TSPAN14: variants seen among roughly 807,000 people sequenced by gnomAD.
TSPAN14 encodes tetraspanin 14.
A neutral mutation model predicts 36.6 loss-of-function variants in TSPAN14; 16 were observed. The ratio of observed to expected loss-of-function variants is 0.44; its 90% CI spans 0.30 to 0.66. TSPAN14 has a LOEUF of 0.66. TSPAN14 is among the 30% of genes least tolerant of loss of function. The pLI is 0.12. For synonymous variants in TSPAN14, 139 were observed against 143.8 expected (o/e 0.97, Z 0.24); for missense variants, 231 against 355.1 (o/e 0.65, Z 2.81).
chr10:80,460,300 C>T lies in TSPAN14; in HGVS notation c.-18+5929C>T, dbSNP rs142032764. Among the ~76,000 whole-genome samples the T allele has an allele frequency of 6.2e-3, 948 of 152,244 alleles. 3 individuals carry two copies. Among genetic ancestry groups the T allele is most frequent in the Non-Finnish European group, 9.5e-3 (649 of 68,010 alleles). On this transcript the variant is annotated intron_variant, in intron 1 of 8. Transcript: ENST00000429989. ...GGCAGGCCAGGGTGATCAGGTTTTA[C>T]CTGGGAGATAGTACAGGATGAGAAA... is the stretch of plus-strand genomic sequence containing the variant.
exon 9 of TSPAN14, chr10:80,520,598 C>G (rs1384339546): frequency 1.9e-6 from 1 of 533,044 alleles, no homozygotes; most frequent in African/African-American, 1.9e-5. Context: ...CTGGTCCACC[C>G]CCTCTCAGGA....
At chr10:80,506,266 C>CGTGAG (rs1840295288) in intron 3 of TSPAN14, among the ~76,000 whole-genome samples, 15 of 152,200 alleles carry the variant, frequency 9.9e-5, no homozygotes, top group Admixed American at 6.5e-5. Context: ...AGCCGCCATG[C>CGTGAG]CCAGACACCT....
At chr10:80,520,106 G>T (rs578095362) in exon 9 of TSPAN14, 100 of 161,254 alleles carry the variant, frequency 6.2e-4, no homozygotes, top group African/African-American at 2.3e-3. Context: ...TCTGTGAAGG[G>T]GGTTGGTGGC....
rs530464451 is a variant in TSPAN14 at position 80,454,693 on chromosome 10, G to C, written c.-18+322G>C. On this transcript the variant is annotated intron_variant, in intron 1 of 8. Transcript: ENST00000429989. ...TCGCCCCATCAGCGCGCCCCGGCGA[G>C]TGCGCGCCCGTGCCGGGCGGGGTGA... Among the ~76,000 whole-genome samples, 326 of 152,260 alleles carry C rather than the reference G, an allele frequency of 2.1e-3. 2 individuals are homozygous for C. The highest frequency in any genetic ancestry group is 4.8e-3 in the Admixed American group (73 of 15,300).
rs561623385 is a variant in TSPAN14, at chr10:80,502,805, A to G, written c.82-1923A>G. ...GGACATCTGAGTGTGTCACTCAGCA[A>G]TGTTTAGATGGTATTTAAGCCTTGT... On this transcript the variant is annotated intron_variant, in intron 2 of 8. Transcript: ENST00000429989. Among the ~76,000 whole-genome samples, 8 of 152,194 alleles carry G rather than the reference A, an allele frequency of 5.3e-5. No individual in the cohort carries two copies. The South Asian group carries it at 1.5e-3, about 28-fold the overall frequency.
exon 9 of TSPAN14, chr10:80,518,183 C>T: frequency 1.7e-6 from 1 of 602,528 alleles, no homozygotes; most frequent in Non-Finnish European, 3.0e-6. Context: ...CTTGTGACTG[C>T]ATCCCTCTGG....
intron 2 of TSPAN14, among the ~76,000 whole-genome samples, chr10:80,500,192 C>T (rs1196788175): frequency 3.0e-4 from 45 of 152,142 alleles, no homozygotes; most frequent in Admixed American, 2.9e-3. Flanking sequence ...AGAGTTCCTG[C>T]CCTGGGCCAC....
intron 1 of TSPAN14, among the ~76,000 whole-genome samples, chr10:80,460,832 A>T (rs1467655220): frequency 6.6e-6 from 1 of 152,002 alleles, no homozygotes; most frequent in African/African-American, 2.4e-5. Flanking sequence ...TCCTGCTGCA[A>T]TTTGTGTTCC....
At chr10:80,496,267 A>AT (rs1848191223) in intron 2 of TSPAN14, among the ~76,000 whole-genome samples, 1 of 152,098 alleles carries the variant, frequency 6.6e-6, no homozygotes, top group South Asian at 2.1e-4. Context: ...TAGATCACTG[A>AT]TTTTTAGATT....
chr10:80,473,180 A>T (rs1253005089), intron 1 of TSPAN14, among the ~76,000 whole-genome samples: 2 of 152,286 alleles, frequency 1.3e-5, no homozygotes, highest in South Asian at 4.2e-4. Flanking sequence ...CCTCCATTCC[A>T]GGCCCAGTGC....
chr10:80,492,331 A>G (rs2132018727), intron 2 of TSPAN14, among the ~76,000 whole-genome samples: 1 of 152,210 alleles, frequency 6.6e-6, no homozygotes. Context: ...ATGATTTTGC[A>G]GTGTTTTTAT....
chr10:80,493,132 G>T (rs1407187899), intron 2 of TSPAN14, among the ~76,000 whole-genome samples: 1 of 152,130 alleles, frequency 6.6e-6, no homozygotes, highest in African/African-American at 2.4e-5. Context: ...TCATTCTTTG[G>T]TTGTGCTAGA....
In TSPAN14 at chr10:80,511,754, CT is replaced by C. The variant is rs1564745221; in HGVS notation, c.451-389del. Among the ~76,000 whole-genome samples, 385 of 142,428 alleles carry C rather than the reference CT, an allele frequency of 2.7e-3. 9 individuals carry two copies. The highest frequency in any genetic ancestry group is 9.3e-3 in the African/African-American group (345 of 37,128). The allele number at this position is 142,428 out of a possible 152,430, so 93.4% of individuals were successfully genotyped here. A position where few individuals can be genotyped will look rare whatever the true frequency, so the allele number is the denominator to read the frequency against. ...TCTCTCTCTCTCTCTCTCTCTCTCT[CT>C]CTCTCTCTCTCTCTCTCCCCTTTTT... is the stretch of plus-strand genomic sequence containing the variant. On this transcript the variant is annotated intron_variant, in intron 5 of 8. Transcript: ENST00000429989.
intron 4 of TSPAN14, among the ~76,000 whole-genome samples, chr10:80,508,968 G>C (rs1024152223): frequency 1.3e-5 from 2 of 152,186 alleles, no homozygotes; most frequent in Non-Finnish European, 2.9e-5. Context: ...CCTGTGATAG[G>C]GGTCTCCTCC....
At chr10:80,484,557 T>C (rs1847488558) in intron 1 of TSPAN14, among the ~76,000 whole-genome samples, 1 of 152,232 alleles carries the variant, frequency 6.6e-6, no homozygotes, top group African/African-American at 2.4e-5. Flanking sequence ...TACGTTATTC[T>C]TCCCTTTGTT....
At chr10:80,511,711 CCTCTCTCTCTCTCTCTCTCTCTCTCT>C (rs56307745) in intron 5 of TSPAN14, among the ~76,000 whole-genome samples, 281 of 25,812 alleles carry the variant, frequency 0.011, 4 homozygotes, top group East Asian at 0.034. Context: ...AAGGGCAGGT[CCTCTCTCTCTCTCTCTCTCTCTCTCT>C]CTCTCTCTCT....
intron 2 of TSPAN14, among the ~76,000 whole-genome samples, chr10:80,498,374 C>T (rs752426491): frequency 3.9e-5 from 6 of 152,086 alleles, no homozygotes; most frequent in Non-Finnish European, 8.8e-5. Flanking sequence ...ATGGCTTCCT[C>T]GAGACCCTGA....
At chr10:80,505,243 T>G (rs1475437703) in intron 3 of TSPAN14, among the ~76,000 whole-genome samples, 1 of 152,168 alleles carries the variant, frequency 6.6e-6, no homozygotes, top group African/African-American at 2.4e-5. Context: ...CCTCTGGGCC[T>G]CCTTGCCCAG....
intron 1 of TSPAN14, among the ~76,000 whole-genome samples, chr10:80,480,136 T>C (rs984193987): frequency 2.2e-4 from 34 of 151,580 alleles, no homozygotes; most frequent in Admixed American, 2.1e-3. Flanking sequence ...TTTTTGTACA[T>C]TGATTTTGTA....
Sources: allele counts gnomAD v4.1 joint callset (sites outside exome capture counted in the v4.1 genomes callset), GRCh38; gene constraint gnomAD v4.1.1; transcripts MANE v1.5; gene names NCBI Gene and HGNC (gene_info 2026-07-23, HGNC 2026-07-21).